The following PMP22 variants were observed in gnomAD, a reference collection of about 807,000 sequenced individuals.
The protein encoded by PMP22 is Charcot-Marie-Tooth neuropathy 1A (greatly reduced nerve conduction velocity, hereditary motor sensory neuropathy Ia).
A neutral mutation model predicts 18.9 loss-of-function variants in PMP22; 2 were observed. The observed-to-expected ratio is 0.11, with a 90% CI of 0.04 to 0.33. The LOEUF is 0.33. PMP22 is among the 10% of genes least tolerant of loss of function. The pLI is 1.00. For missense variants in PMP22, 169 were observed against 202.2 expected (o/e 0.84, Z 1.00); for synonymous variants, 95 against 89.2 (o/e 1.07, Z -0.37).
chr17:15,236,080 TA>T (rs925917495), intron 4 of PMP22, among the ~76,000 whole-genome samples: 6 of 148,842 alleles, frequency 4.0e-5, no homozygotes, highest in African/African-American at 1.5e-4. Flanking sequence ...TTTTTTTTTT[TA>T]AAGGACCTCA....
At chr17:15,244,135 G>C (rs1907585207) in intron 3 of PMP22, among the ~76,000 whole-genome samples, 1 of 152,120 alleles carries the variant, frequency 6.6e-6, no homozygotes, top group Admixed American at 6.5e-5. Context: ...TAGCAAAGGA[G>C]AAATATGAAC....
chr17:15,259,771 C>T (rs1009127127), intron 2 of PMP22, among the ~76,000 whole-genome samples: 2 of 149,748 alleles, frequency 1.3e-5, no homozygotes, highest in Non-Finnish European at 3.0e-5. Context: ...GAAACCCCGT[C>T]TCTACTAAAA....
intron 3 of PMP22, among the ~76,000 whole-genome samples, chr17:15,246,843 G>A (rs1372329657): frequency 6.6e-6 from 1 of 151,990 alleles, no homozygotes; most frequent in Non-Finnish European, 1.5e-5. Flanking sequence ...AGGCCAAAGC[G>A]GGTGGATCAC....
chr17:15,241,587 C>A (rs187699957), intron 3 of PMP22, among the ~76,000 whole-genome samples: 8 of 152,230 alleles, frequency 5.3e-5, no homozygotes, highest in African/African-American at 1.9e-4. Context: ...GAAACTACTA[C>A]GAGACCTCAC....
intron 3 of PMP22, among the ~76,000 whole-genome samples, chr17:15,248,841 G>C (rs1274468529): frequency 6.6e-6 from 1 of 152,106 alleles, no homozygotes. Context: ...CAGGAGACTT[G>C]TTTTTGTTTT....
At chr17:15,245,954 A>G (rs1304387206) in intron 3 of PMP22, among the ~76,000 whole-genome samples, 1 of 151,330 alleles carries the variant, frequency 6.6e-6, no homozygotes, top group African/African-American at 2.4e-5. Flanking sequence ...CGGAGCTTGC[A>G]GTGAGCCGAG....
Position 15,230,779 on chromosome 17 carries a change from C to T in PMP22, c.*138G>A. 1.2e-6 allele frequency: 1 copy of T among 837,918 alleles called. No individual in the cohort carries two copies. The highest frequency in any genetic ancestry group is 1.5e-5 in the South Asian group (1 of 68,534). 51.9% of individuals were successfully genotyped at this position (837,918 alleles called of 1,614,324 possible). A position where few individuals can be genotyped will look rare whatever the true frequency, so the allele number is the denominator to read the frequency against. ...TATACATCTTCAATCAACAGCAACC[C>T]CCACCTCCACTGCTTTCTGTTTGGT... On this transcript the variant is annotated 3_prime_UTR_variant, in exon 5 of 5. Transcript: ENST00000312280.
intron 2 of PMP22, among the ~76,000 whole-genome samples, chr17:15,259,890 A>T (rs1909158157): frequency 6.7e-6 from 1 of 150,016 alleles, no homozygotes; most frequent in Admixed American, 6.7e-5. Flanking sequence ...GTAAGCCAAG[A>T]TCATGGCACT....
At chr17:15,263,116 G>C (rs1327346747) in intron 1 of PMP22, among the ~76,000 whole-genome samples, 1 of 152,264 alleles carries the variant, frequency 6.6e-6, no homozygotes, top group African/African-American at 2.4e-5. Context: ...AAGCATGCCA[G>C]CTTCCTAGGA....
At chr17:15,263,246 T>C (rs887204472) in intron 1 of PMP22, among the ~76,000 whole-genome samples, 4 of 152,142 alleles carry the variant, frequency 2.6e-5, no homozygotes, top group African/African-American at 9.7e-5. Context: ...AAAACCAGAC[T>C]ACCACCGAAT....
chr17:15,231,047 G>A lies in PMP22; in HGVS notation c.353C>T (p.Thr118Met), dbSNP rs104894619. 5.1e-3 allele frequency: 8,223 copies of A among 1,614,092 alleles called. 31 individuals carry two copies. The highest frequency in any genetic ancestry group is 6.0e-3 in the Non-Finnish European group (7,135 of 1,180,030). The change falls in exon 5 of 5, where the codon ACG (threonine) becomes ATG (methionine). Residue 118 changes from threonine to methionine, a missense_variant. Thr to Met is a moderately conservative substitution (Grantham distance 81). Transcript: ENST00000312280. ...GAGATGCCACTCCGGGTGCCTCACC[G>A]TGTAGATGGCCGCAGCACTCATCAC... ...LCVMSAAAIYTVRHPEWHLNS... is the reference protein window; with the variant it reads ...LCVMSAAAIYMVRHPEWHLNS...
chr17:15,235,575 A>C (rs765057100), intron 4 of PMP22, among the ~76,000 whole-genome samples: 2 of 152,148 alleles, frequency 1.3e-5, no homozygotes, highest in South Asian at 4.1e-4. Context: ...AAGGTGGTTT[A>C]GTTATTTCTG....
intron 3 of PMP22, among the ~76,000 whole-genome samples, chr17:15,250,311 A>G (rs950199133): frequency 1.3e-5 from 2 of 151,732 alleles, no homozygotes; most frequent in African/African-American, 4.8e-5. Context: ...ACCCTCGTTA[A>G]CCCCTGGCAT....
At chr17:15,257,612 G>C (rs756621059) in intron 3 of PMP22, among the ~76,000 whole-genome samples, 1 of 152,234 alleles carries the variant, frequency 6.6e-6, no homozygotes, top group Non-Finnish European at 1.5e-5. Context: ...GGATGCTGTG[G>C]CTTTGGGGAC....
chr17:15,236,663 A>G (rs1219868417), intron 4 of PMP22, among the ~76,000 whole-genome samples: 5 of 152,192 alleles, frequency 3.3e-5, no homozygotes, highest in African/African-American at 1.2e-4. Flanking sequence ...TCTCATCTCC[A>G]ACAACCCTAA....
chr17:15,254,553 G>A (rs975582581), intron 3 of PMP22, among the ~76,000 whole-genome samples: 1 of 152,236 alleles, frequency 6.6e-6, no homozygotes, highest in Non-Finnish European at 1.5e-5. Context: ...GATAAGGACT[G>A]TCTCTGGCCT....
At chr17:15,263,021 G>T (rs1453182775) in intron 1 of PMP22, among the ~76,000 whole-genome samples, 3 of 152,306 alleles carry the variant, frequency 2.0e-5, no homozygotes, top group African/African-American at 7.2e-5. Flanking sequence ...CTCCTCTCGG[G>T]TCCTGGAGCC....
In PMP22 at chr17:15,246,820, C is replaced by T. The variant is rs1267478532; in HGVS notation, c.179-7209G>A. ...GGCGTGGTGGCTCATGCCTGTAATC[C>T]CAGCACTTTGGGAGGCCAAAGCGGG... On this transcript the variant is annotated intron_variant, in intron 3 of 4. Transcript: ENST00000312280. Among the ~76,000 whole-genome samples, 6 of 152,268 alleles carry T rather than the reference C, an allele frequency of 3.9e-5. No homozygotes were observed. The South Asian group carries it at 1.2e-3, about 32-fold the overall frequency.
rs557980936 is a variant in PMP22, at chr17:15,242,933, A to G, written c.179-3322T>C. Among the ~76,000 whole-genome samples, 60 of 152,352 alleles carry G rather than the reference A, an allele frequency of 3.9e-4. 1 individual carries two copies. In the South Asian group the frequency reaches 0.012, roughly 30 times the overall value. On this transcript the variant is annotated intron_variant, in intron 3 of 4. Coordinates refer to ENST00000312280, the MANE Select transcript of PMP22 (RefSeq NM_000304.4). ...TGGAAATTTAAAAACAGTGTTCCAGATAATTCCTCGGATTAAAAAAAACAA... is the reference window on the plus strand; with the variant it reads ...TGGAAATTTAAAAACAGTGTTCCAGGTAATTCCTCGGATTAAAAAAAACAA...
Sources: gnomAD v4.1 joint callset for allele counts (sites outside exome capture counted in the v4.1 genomes callset) on GRCh38, gnomAD v4.1.1 for gene constraint, MANE v1.5 for transcripts, NCBI Gene and HGNC (gene_info 2026-07-23, HGNC 2026-07-21) for gene names.